The following EDA variants were observed in gnomAD, a reference collection of about 807,000 sequenced individuals.
EDA encodes ectodysplasin-A.
A neutral mutation model predicts 23.6 loss-of-function variants in EDA; 2 were observed. The observed-to-expected ratio is 0.08, with a 90% CI of 0.03 to 0.27. EDA has a LOEUF of 0.27. EDA is among the 10% of genes least tolerant of loss of function. The pLI is 1.00. For synonymous variants in EDA, 131 were observed against 132.0 expected (o/e 0.99, Z 0.05); for missense variants, 229 against 324.2 (o/e 0.71, Z 2.26).
At chrX:69,695,413 A>G (rs1569299028) in intron 1 of EDA, among the ~76,000 whole-genome samples, 1 of 111,494 alleles carries the variant, frequency 9.0e-6, no homozygotes, top group Non-Finnish European at 1.9e-5. Context: ...ATTTAAATAG[A>G]GTGATAATTA....
chrX:70,032,492 A>T (rs2020213565), intron 6 of EDA, among the ~76,000 whole-genome samples: 1 of 111,346 alleles, frequency 9.0e-6, no homozygotes, highest in South Asian at 3.8e-4. Context: ...TGGGTGCAGG[A>T]TGGATGGCTT....
At chrX:69,682,251 G>A (rs1934386486) in intron 1 of EDA, among the ~76,000 whole-genome samples, 1 of 112,319 alleles carries the variant, frequency 8.9e-6, no homozygotes, top group South Asian at 3.7e-4. Context: ...ATTTAAGTCT[G>A]CAGAGGTTAC....
intron 1 of EDA, among the ~76,000 whole-genome samples, chrX:69,845,687 T>C (rs961254766): frequency 1.8e-5 from 2 of 111,837 alleles, no homozygotes; most frequent in African/African-American, 3.3e-5. Context: ...ATTGTGGACA[T>C]GATGGAATGT....
chrX:69,844,233 A>T (rs2016960524), intron 1 of EDA, among the ~76,000 whole-genome samples: 1 of 111,874 alleles, frequency 8.9e-6, no homozygotes, highest in Non-Finnish European at 1.9e-5. Flanking sequence ...TGAAGAGAGG[A>T]TGAGAAAAAC....
chrX:69,991,480 C>T (rs934381903), intron 2 of EDA, among the ~76,000 whole-genome samples: 1 of 110,909 alleles, frequency 9.0e-6, no homozygotes, highest in East Asian at 2.8e-4. Flanking sequence ...AAGGTGCTTC[C>T]ATGGACCATC....
At chrX:69,949,510 C>T (rs1233588289) in intron 1 of EDA, among the ~76,000 whole-genome samples, 3 of 111,523 alleles carry the variant, frequency 2.7e-5, no homozygotes, top group Non-Finnish European at 5.6e-5. Flanking sequence ...GACACTCATG[C>T]CTAGTGATTC....
chrX:69,783,276 CT>C (rs1205587995), intron 1 of EDA, among the ~76,000 whole-genome samples: 4 of 109,495 alleles, frequency 3.7e-5, no homozygotes, highest in East Asian at 2.9e-4. Flanking sequence ...TTTTTTGCTT[CT>C]TTTTTTTATT....
intron 2 of EDA, among the ~76,000 whole-genome samples, chrX:69,981,720 G>T (rs1009331213): frequency 8.9e-6 from 1 of 112,010 alleles, no homozygotes; most frequent in Non-Finnish European, 1.9e-5. Context: ...TTACATCATT[G>T]AATTCTCATA....
In EDA at chrX:69,706,016, C is replaced by G. The variant is rs923999540; in HGVS notation, c.396+89312C>G. On this transcript the variant is annotated intron_variant, in intron 1 of 7. Transcript: ENST00000374552. ...TTATGTAAATTTAAGTCAATGCTTTCTCCATTGTAAGAGCTTCTAATAAGA... is the reference window on the plus strand; with the variant it reads ...TTATGTAAATTTAAGTCAATGCTTTGTCCATTGTAAGAGCTTCTAATAAGA... Among the ~76,000 whole-genome samples the G allele has an allele frequency of 2.7e-5, 3 of 112,253 alleles. No individual in the cohort carries two copies. In the Admixed American group the frequency reaches 2.8e-4, roughly 11 times the overall value.
intron 1 of EDA, among the ~76,000 whole-genome samples, chrX:69,906,150 T>G (rs1383820907): frequency 8.9e-6 from 1 of 112,502 alleles, no homozygotes; most frequent in Non-Finnish European, 1.9e-5. Context: ...AAGTGCCCTC[T>G]TCTCACACCA....
intron 1 of EDA, among the ~76,000 whole-genome samples, chrX:69,898,621 T>C (rs1013483764): frequency 5.4e-5 from 6 of 111,867 alleles, no homozygotes; most frequent in Admixed American, 9.5e-5. Context: ...AGAAAGTTCA[T>C]TGGTTTCTAA....
intron 1 of EDA, among the ~76,000 whole-genome samples, chrX:69,921,938 T>C (rs892340455): frequency 1.8e-5 from 2 of 111,671 alleles, no homozygotes; most frequent in Non-Finnish European, 3.8e-5. Flanking sequence ...AAATCTCCTG[T>C]GTCCCACCTA....
chrX:69,937,361 T>C, intron 1 of EDA: 1 of 631,463 alleles, frequency 1.6e-6, no homozygotes. Context: ...GTCCTATCTA[T>C]GCCAGCTCTA....
chrX:69,616,245 C>T lies in EDA; in HGVS notation c.-64C>T. On this transcript the variant is annotated 5_prime_UTR_variant, in exon 1 of 8. Coordinates refer to ENST00000374552, the MANE Select transcript of EDA (RefSeq NM_001399.5). The stretch of plus-strand genomic sequence containing the variant: ...AGGACAGTAGCCGCCTGTCAGAGGT[C>T]GTGAACGGCTGAGGCAGACGCAGCG... 4.4e-6 allele frequency: 5 copies of T among 1,134,301 alleles called. No individual in the cohort carries two copies. Among genetic ancestry groups the T allele is most frequent in the Non-Finnish European group, 5.8e-6 (5 of 855,165 alleles). 93.5% of individuals were successfully genotyped at this position (1,134,301 alleles called of 1,213,427 possible).
chrX:69,920,948 CTATTTATTTATTTATTTATT>C (rs4007732), intron 1 of EDA, among the ~76,000 whole-genome samples: 4 of 100,468 alleles, frequency 4.0e-5, no homozygotes, highest in Non-Finnish European at 8.0e-5. Flanking sequence ...TATTCTGACA[CTATTTATTTATTTATTTATT>C]TATTTATTTA....
chrX:69,676,202 A>G, intron 1 of EDA, among the ~76,000 whole-genome samples: 1 of 111,486 alleles, frequency 9.0e-6, no homozygotes, highest in East Asian at 2.8e-4. Context: ...GGGCTTGAGC[A>G]AAGGGGTTAC....
At chrX:69,628,055 G>A (rs1000666338) in intron 1 of EDA, among the ~76,000 whole-genome samples, 1 of 111,763 alleles carries the variant, frequency 8.9e-6, no homozygotes, top group Non-Finnish European at 1.9e-5. Flanking sequence ...TTTTATTGGC[G>A]TGATGGCATA....
At chrX:69,920,116 G>A (rs1010056535) in intron 1 of EDA, among the ~76,000 whole-genome samples, 1 of 110,586 alleles carries the variant, frequency 9.0e-6, no homozygotes, top group African/African-American at 3.3e-5. Context: ...CTTCACCATT[G>A]CATTGACAAG....
At chrX:69,703,571 A>G (rs760966836) in intron 1 of EDA, among the ~76,000 whole-genome samples, 11 of 112,544 alleles carry the variant, frequency 9.8e-5, no homozygotes, top group Non-Finnish European at 1.5e-4. Context: ...TGGCGTCAGC[A>G]CCAAATGAGG....
Sources: allele counts gnomAD v4.1 joint callset (sites outside exome capture counted in the v4.1 genomes callset), GRCh38; gene constraint gnomAD v4.1.1; transcripts MANE v1.5; gene names NCBI Gene and HGNC (gene_info 2026-07-23, HGNC 2026-07-21).